GNA12: variants seen among roughly 807,000 people sequenced by gnomAD.
GNA12 encodes G protein subunit alpha 12, also known as guanine nucleotide-binding protein subunit alpha-12.
Under a neutral mutation model 26.0 loss-of-function variants are expected in GNA12, and 9 were observed. That is an observed-to-expected ratio of 0.35 (90% CI 0.21 to 0.60). GNA12 has a LOEUF of 0.60. Among genes scored for constraint, GNA12 ranks in the 20% least tolerant of loss-of-function variants. GNA12 has a pLI of 0.78. For missense variants in GNA12, 405 were observed against 525.8 expected, an observed-to-expected ratio of 0.77 and a Z score of 2.25; for synonymous variants, 264 against 219.6, an observed-to-expected ratio of 1.20 and a Z score of -1.79.
intron 2 of GNA12, among the ~76,000 whole-genome samples, chr7:2,777,597 C>G (rs937416046): frequency 1.3e-5 from 2 of 152,108 alleles, no homozygotes; most frequent in African/African-American, 2.4e-5. Flanking sequence ...GGAGAGACAT[C>G]AGAGCTTCTC....
intron 1 of GNA12, among the ~76,000 whole-genome samples, chr7:2,839,042 A>C (rs902291206): frequency 2.6e-5 from 4 of 152,360 alleles, no homozygotes; most frequent in Admixed American, 2.0e-4. Flanking sequence ...ACATTCCGCC[A>C]AACGAGCATA....
At chr7:2,784,393 C>T (rs1792308834) in intron 2 of GNA12, among the ~76,000 whole-genome samples, 1 of 152,200 alleles carries the variant, frequency 6.6e-6, no homozygotes, top group African/African-American at 2.4e-5. Flanking sequence ...GCTGGGATTA[C>T]AAGTATCAGC....
chr7:2,833,925 C>A (rs1009428634), intron 1 of GNA12, among the ~76,000 whole-genome samples: 1 of 151,874 alleles, frequency 6.6e-6, no homozygotes, highest in East Asian at 1.9e-4. Flanking sequence ...GCAAACAATT[C>A]TTCAAAAAAA....
chr7:2,816,689 C>T (rs1210731119), intron 1 of GNA12, among the ~76,000 whole-genome samples: 1 of 152,090 alleles, frequency 6.6e-6, no homozygotes, highest in Non-Finnish European at 1.5e-5. Flanking sequence ...GTGGGAAGGG[C>T]AGTAGCAGCA....
In GNA12 at chr7:2,782,574, G is replaced by GTCTA. The variant is rs563215215; in HGVS notation, c.525+12350_525+12353dup. ...AAACTGTCACTCCTTGAAAGTTCACGTCTACCTTTTTCTGTAGCTGCTTTT... is the reference window on the plus strand; with the variant it reads ...AAACTGTCACTCCTTGAAAGTTCACGTCTATCTACCTTTTTCTGTAGCTGCTTTT... On this transcript the variant is annotated intron_variant, in intron 2 of 3. Transcript: ENST00000275364. 1.4e-3 allele frequency among the ~76,000 whole-genome samples: 215 copies of GTCTA among 152,092 alleles called. 2 individuals are homozygous for GTCTA. The highest frequency in any genetic ancestry group is 4.7e-3 in the African/African-American group (197 of 41,506).
intron 2 of GNA12, among the ~76,000 whole-genome samples, chr7:2,791,823 G>A (rs899257989): frequency 1.3e-5 from 2 of 152,086 alleles, no homozygotes; most frequent in African/African-American, 4.8e-5. Flanking sequence ...GACTATTAGG[G>A]TCCTACTATC....
intron 2 of GNA12, chr7:2,763,046 T>TCCTC (rs1304001350): frequency 8.8e-6 from 11 of 1,248,804 alleles, no homozygotes; most frequent in Non-Finnish European, 9.0e-6. Flanking sequence ...AGCGTGCCGT[T>TCCTC]CCTCCAGGAC....
At position 2,795,144 on chromosome 7, in the gene GNA12, C is replaced by A; in HGVS notation, c.310-1G>T. The A allele has an allele frequency of 6.2e-7, 1 of 1,608,764 alleles. No homozygotes were observed. Among genetic ancestry groups the A allele is most frequent in the Non-Finnish European group, 8.5e-7 (1 of 1,175,954 alleles). On this transcript the variant is annotated splice_acceptor_variant, in intron 1 of 3. Coordinates refer to ENST00000275364, the MANE Select transcript of GNA12 (RefSeq NM_007353.3). LOFTEE classifies it high-confidence loss of function. ...GTGCATCAACAAGAACCCTTGAGCC[C>A]TAGAAAATAAAAGAAAGAAGAGAGG...
intron 2 of GNA12, among the ~76,000 whole-genome samples, chr7:2,782,771 C>T (rs550301364): frequency 3.2e-4 from 49 of 152,032 alleles, no homozygotes; most frequent in Non-Finnish European, 7.4e-5. Context: ...TCCTGTGACT[C>T]AGTGTTAAAC....
chr7:2,778,562 G>A (rs770648283), intron 2 of GNA12, among the ~76,000 whole-genome samples: 1 of 152,208 alleles, frequency 6.6e-6, no homozygotes, highest in Non-Finnish European at 1.5e-5. Flanking sequence ...TACTTCAGGA[G>A]TTCAGACCCC....
intron 1 of GNA12, among the ~76,000 whole-genome samples, chr7:2,828,553 G>A (rs1793534058): frequency 6.6e-6 from 1 of 152,190 alleles, no homozygotes; most frequent in Non-Finnish European, 1.5e-5. Context: ...CGCAGCTGGG[G>A]AAAGATCAAA....
intron 2 of GNA12, 170 bp downstream of exon 2, chr7:2,794,758 T>C (rs536277438): frequency 1.6e-6 from 1 of 614,152 alleles, no homozygotes; most frequent in South Asian, 2.0e-5. Flanking sequence ...GAGCCTTTTA[T>C]ATAGCATCTG....
At chr7:2,801,751 G>A (rs1182173725) in intron 1 of GNA12, among the ~76,000 whole-genome samples, 1 of 151,702 alleles carries the variant, frequency 6.6e-6, no homozygotes, top group Non-Finnish European at 1.5e-5. Flanking sequence ...ATTTATTCTA[G>A]TCAAAAACTG....
intron 1 of GNA12, among the ~76,000 whole-genome samples, chr7:2,831,775 G>A (rs941281341): frequency 1.3e-5 from 2 of 152,050 alleles, no homozygotes; most frequent in Admixed American, 6.6e-5. Context: ...CCTCATGTGC[G>A]CCAAAAATTG....
At chr7:2,788,887 C>G (rs1189084969) in intron 2 of GNA12, among the ~76,000 whole-genome samples, 1 of 152,122 alleles carries the variant, frequency 6.6e-6, no homozygotes, top group Admixed American at 6.5e-5. Context: ...GTGGCGTGAT[C>G]TCTGCTCACT....
chr7:2,812,141 G>T (rs563309864), intron 1 of GNA12, among the ~76,000 whole-genome samples: 94 of 152,324 alleles, frequency 6.2e-4, no homozygotes, highest in African/African-American at 2.2e-3. Context: ...AACCGGGCAA[G>T]TAAGTCCCTG....
rs1331091764 is a variant in GNA12 at position 2,844,178 on chromosome 7, G to T, written c.-17C>A. ...CCCGGACATGGCCCCTCAGGCCGCG[G>T]CCGCGCCCCGCCGGCGCCCGGGGGC... is the stretch of plus-strand genomic sequence containing the variant. On this transcript the variant is annotated 5_prime_UTR_variant, in exon 1 of 4. Transcript: ENST00000275364. 3.2e-5 allele frequency: 31 copies of T among 979,788 alleles called. No homozygotes were observed. The highest frequency in any genetic ancestry group is 3.7e-5 in the Non-Finnish European group (31 of 827,130). 60.7% of individuals were successfully genotyped at this position (979,788 alleles called of 1,614,324 possible). A position where few individuals can be genotyped will look rare whatever the true frequency, so the allele number is the denominator to read the frequency against.
chr7:2,740,029 C>T (rs1176950228), intron 2 of GNA12, among the ~76,000 whole-genome samples: 4 of 152,132 alleles, frequency 2.6e-5, no homozygotes, highest in Admixed American at 6.5e-5. Context: ...TTCTCCACGG[C>T]GGCTGCACAA....
At chr7:2,832,979 A>C (rs931782753) in intron 1 of GNA12, among the ~76,000 whole-genome samples, 10 of 152,198 alleles carry the variant, frequency 6.6e-5, no homozygotes, top group African/African-American at 2.4e-4. Context: ...ACAGGATACA[A>C]GTCATGTTTT....
Sources: gnomAD v4.1 joint callset for allele counts (sites outside exome capture counted in the v4.1 genomes callset) on GRCh38, gnomAD v4.1.1 for gene constraint, MANE v1.5 for transcripts, NCBI Gene and HGNC (gene_info 2026-07-23, HGNC 2026-07-21) for gene names.